Variants in PPL observed in about 807,000 individuals in gnomAD.
PPL encodes the protein periplakin, also known as 190 kDa paraneoplastic pemphigus antigen.
A neutral mutation model predicts 194.4 loss-of-function variants in PPL; 198 were observed. That is an observed-to-expected ratio of 1.02 (90% CI 0.91 to 1.15). The LOEUF (loss-of-function observed/expected upper bound fraction) is 1.15. Ranked by LOEUF, PPL falls within the 50% of genes most tolerant of loss-of-function variation. PPL has a pLI of 0.00. For synonymous variants in PPL, 1,220 were observed against 972.4 expected, an observed-to-expected ratio of 1.25 and a Z score of -4.74; for missense variants, 2,885 against 2,294.8, an observed-to-expected ratio of 1.26 and a Z score of -5.25.
intron 12 of PPL, among the ~76,000 whole-genome samples, chr16:4,894,098 G>A (rs569783029): frequency 5.1e-4 from 77 of 152,286 alleles, no homozygotes; most frequent in African/African-American, 1.7e-3. Flanking sequence ...AAAGCGGTGC[G>A]TGCAGTGGAA....
At chr16:4,916,293 C>A (rs1050037510) in intron 1 of PPL, among the ~76,000 whole-genome samples, 1 of 150,412 alleles carries the variant, frequency 6.6e-6, no homozygotes, top group African/African-American at 2.5e-5. Context: ...GCTCACTCAG[C>A]CTCCGCTTCC....
chr16:4,933,367 G>A (rs770527621), intron 1 of PPL, among the ~76,000 whole-genome samples: 6 of 152,164 alleles, frequency 3.9e-5, no homozygotes, highest in Non-Finnish European at 8.8e-5. Context: ...TGGGACCCAG[G>A]TCTGGGTGGA....
Position 4,937,118 on chromosome 16 carries a change from T to TGAGC in PPL, c.-77_-74dup. ...ACCGAGGGGCGGGCGGGAGCGCAGG[T>TGAGC]GAGCGAGCGGCGGCGCGGGGAGCCC... On this transcript the variant is annotated 5_prime_UTR_variant, in exon 1 of 22. Coordinates refer to ENST00000345988, the MANE Select transcript of PPL (RefSeq NM_002705.5). 9.5e-7 allele frequency: 1 copy of TGAGC among 1,055,830 alleles called. No homozygotes were observed. Among genetic ancestry groups the TGAGC allele is most frequent in the Non-Finnish European group, 1.2e-6 (1 of 862,388 alleles). 65.4% of individuals were successfully genotyped at this position (1,055,830 alleles called of 1,614,324 possible).
At chr16:4,892,642 TCTCA>T (rs1165025503) in intron 14 of PPL, 2 of 170,866 alleles carry the variant, frequency 1.2e-5, no homozygotes, top group Non-Finnish European at 2.5e-5. Flanking sequence ...CTGACTTGGC[TCTCA>T]CTCTGAGGCC....
chr16:4,893,425 C>A, intron 13 of PPL, 55 bp from the exon 14 acceptor site: 2 of 1,593,246 alleles, frequency 1.3e-6, no homozygotes, highest in Non-Finnish European at 1.7e-6. Context: ...GGGTGTGAGG[C>A]CCAGGGATGG....
intron 18 of PPL, 117 bp from the exon 19 acceptor site, chr16:4,889,178 T>G: frequency 1.3e-6 from 1 of 776,240 alleles, no homozygotes; most frequent in Non-Finnish European, 2.2e-6. Context: ...GCACAAAGTA[T>G]GATGAATGGC....
At chr16:4,930,173 C>A (rs1270262903) in intron 1 of PPL, among the ~76,000 whole-genome samples, 1 of 152,210 alleles carries the variant, frequency 6.6e-6, no homozygotes, top group Admixed American at 6.6e-5. Flanking sequence ...CTGTCAACTG[C>A]ACTCTCTTTA....
At chr16:4,914,436 G>A (rs548386013) in intron 1 of PPL, among the ~76,000 whole-genome samples, 11 of 152,300 alleles carry the variant, frequency 7.2e-5, no homozygotes, top group African/African-American at 2.6e-4. Context: ...GGGGCATTGG[G>A]GGCAGAAATG....
chr16:4,891,630 C>T (rs2088321045), intron 16 of PPL, 181 bp downstream of exon 16: 2 of 701,602 alleles, frequency 2.9e-6, no homozygotes, highest in Non-Finnish European at 2.3e-6. Flanking sequence ...GTAAGTCACA[C>T]AGATCCCGTG....
rs756377344 is a variant in PPL at position 4,884,692 on chromosome 16, T to C, written c.3963A>G (p.Lys1321=). The change falls in exon 22 of 22, where the codon AAA becomes AAG. Residue 1321 remains lysine, a synonymous_variant. Coordinates refer to ENST00000345988, the MANE Select transcript of PPL (RefSeq NM_002705.5). The surrounding 1 kb of genome is among the most constrained non-coding windows in gnomAD (Gnocchi z 5.7). ...LRAKLSEEQK[K]QVDLERERAS... ...CTCTTTCCCTCTCCAGATCCACTTG[T>C]TTCTTCTGCTCCTCTGAGAGCTTTG... The C allele has an allele frequency of 8.1e-6, 13 of 1,614,018 alleles. No homozygotes were observed. Among genetic ancestry groups the C allele is most frequent in the South Asian group, 1.1e-5 (1 of 91,084 alleles).
rs746956973 is a variant in PPL, at chr16:4,885,642, C to A, written c.3013G>T (p.Ala1005Ser). Residue 1005 changes from alanine (A) to serine (S), a missense_variant, in exon 22 of 22, where the codon GCC becomes TCC. Ala to Ser is a moderately conservative substitution (Grantham distance 99, BLOSUM62 1). Coordinates refer to ENST00000345988, the MANE Select transcript of PPL (RefSeq NM_002705.5). This position sits in a 1 kb window ranked among gnomAD's most constrained non-coding sequence, Gnocchi z 6.3. ...AGCTGCAAGACCTCATCCGCCTGGG[C>A]CCTGTCAGGCTCGATGCGCAGGACC... ...KEVLRIEPDR[A>S]QADEVLQLRE... is the part of the protein sequence containing the mutation. The A allele has an allele frequency of 2.5e-6, 4 of 1,612,954 alleles. No homozygotes were observed. The South Asian group carries it at 4.4e-5, about 18-fold the overall frequency.
At chr16:4,901,515 C>G (rs2088570392) in intron 4 of PPL, among the ~76,000 whole-genome samples, 1 of 152,036 alleles carries the variant, frequency 6.6e-6, no homozygotes, top group Non-Finnish European at 1.5e-5. Flanking sequence ...GTAGCAAAGC[C>G]CCATCTCTAC....
At position 4,882,887 on chromosome 16, in the gene PPL, T is replaced by A. The variant is rs2088126579; in HGVS notation, c.*497A>T. ...TCTGTCTCATGAGCAGAGTAACTAC[T>A]GAGGAGGCTTCTCGGATGGAAAGTT... On this transcript the variant is annotated 3_prime_UTR_variant, in exon 22 of 22. Transcript: ENST00000345988. The A allele has an allele frequency of 5.6e-6, 1 of 178,056 alleles. No individual in the cohort carries two copies. Among genetic ancestry groups the A allele is most frequent in the Non-Finnish European group, 1.2e-5 (1 of 85,238 alleles). The allele number at this position is 178,056 out of a possible 1,614,324, so 11.0% of individuals were successfully genotyped here. A position where few individuals can be genotyped will look rare whatever the true frequency, so the allele number is the denominator to read the frequency against.
intron 2 of PPL, among the ~76,000 whole-genome samples, chr16:4,908,742 T>C (rs896832251): frequency 1.5e-4 from 23 of 152,168 alleles, no homozygotes; most frequent in African/African-American, 5.3e-4. Context: ...GGTTTCACCA[T>C]GTTGCTCAGG....
Position 4,885,576 on chromosome 16 carries a change from G to T in PPL, c.3079C>A (p.Arg1027=). ...LEALRRQKGA[R]EAEVLLLQQR... ...TGCAGGAGGAGCACCTCTGCCTCCC[G>T]GGCGCCCTTCTGCCGCCTCAGTGCC... is the stretch of plus-strand genomic sequence containing the variant. The change falls in exon 22 of 22, where the codon CGG becomes AGG. Residue 1027 remains arginine, a synonymous_variant. Transcript: ENST00000345988. The surrounding 1 kb of genome is among the most constrained non-coding windows in gnomAD (Gnocchi z 6.3). The T allele has an allele frequency of 4.3e-6, 7 of 1,611,178 alleles. No individual in the cohort carries two copies. The highest frequency in any genetic ancestry group is 5.9e-6 in the Non-Finnish European group (7 of 1,179,896).
chr16:4,909,679 G>A (rs867494936), intron 2 of PPL, among the ~76,000 whole-genome samples: 2 of 151,948 alleles, frequency 1.3e-5, no homozygotes, highest in Admixed American at 6.6e-5. Context: ...TACCCACCTC[G>A]GCCTCCCAAA....
At chr16:4,928,708 C>G (rs2089190386) in intron 1 of PPL, among the ~76,000 whole-genome samples, 1 of 152,184 alleles carries the variant, frequency 6.6e-6, no homozygotes, top group Non-Finnish European at 1.5e-5. Context: ...CTGCTTCAAT[C>G]TCAGATAAGA....
In PPL at chr16:4,902,387, G is replaced by A. The variant is rs751461431; in HGVS notation, c.438+19C>T. 150 of 1,612,332 alleles carry A rather than the reference G, an allele frequency of 9.3e-5. No individual in the cohort carries two copies. Among genetic ancestry groups the A allele is most frequent in the South Asian group, 3.1e-4 (28 of 90,640 alleles). Reference sequence around the variant, plus strand: ...CCCCAGCTGAAACCCTGGAGCCAGCGGCCCCGTCCAGGCCATACCAGCTTC... The same window carrying A: ...CCCCAGCTGAAACCCTGGAGCCAGCAGCCCCGTCCAGGCCATACCAGCTTC... On this transcript the variant is annotated intron_variant, in intron 4 of 21. Transcript: ENST00000345988. This position sits in a 1 kb window ranked among gnomAD's most constrained non-coding sequence, Gnocchi z 4.0.
At chr16:4,923,950 G>C (rs2089104303) in intron 1 of PPL, among the ~76,000 whole-genome samples, 1 of 152,114 alleles carries the variant, frequency 6.6e-6, no homozygotes, top group Non-Finnish European at 1.5e-5. Flanking sequence ...AACTATGCTG[G>C]CTTTTGGAAT....
Sources: gnomAD v4.1 joint callset for allele counts (sites outside exome capture counted in the v4.1 genomes callset) on GRCh38, gnomAD v4.1.1 for gene constraint, Gnocchi (gnomAD v3.1) non-coding constraint, MANE v1.5 for transcripts, NCBI Gene and HGNC (gene_info 2026-07-23, HGNC 2026-07-21) for gene names.